TSHZ2: variants seen among roughly 807,000 people sequenced by gnomAD.
The protein encoded by TSHZ2 is teashirt homolog 2.
A neutral mutation model predicts 74.4 loss-of-function variants in TSHZ2; 21 were observed. The observed-to-expected ratio is 0.28, with a 90% CI of 0.20 to 0.41. The LOEUF (loss-of-function observed/expected upper bound fraction) is 0.41, where lower values mean the gene tolerates loss of function less well. Among genes scored for constraint, TSHZ2 ranks in the 10% least tolerant of loss-of-function variants. The pLI is 1.00. For missense variants in TSHZ2, 1,244 were observed against 1,293.5 expected (o/e 0.96, Z 0.59); for synonymous variants, 540 against 515.3 (o/e 1.05, Z -0.65).
rs1986665171 is a variant in TSHZ2, at chr20:53,116,321, A to G, written c.41-137178A>G. On this transcript the variant is annotated intron_variant, in intron 1 of 2. Transcript: ENST00000371497. ...TCATTTTGTCTTTATTGCATAGGCA[A>G]ATCATTATTCGGTAACCTGGAGGTT... Among the ~76,000 whole-genome samples, 4 of 152,300 alleles carry G rather than the reference A, an allele frequency of 2.6e-5. No individual in the cohort carries two copies. The South Asian group carries it at 8.3e-4, about 32-fold the overall frequency.
intron 1 of TSHZ2, among the ~76,000 whole-genome samples, chr20:53,093,306 G>T (rs926582455): frequency 6.6e-6 from 1 of 152,228 alleles, no homozygotes; most frequent in Non-Finnish European, 1.5e-5. Flanking sequence ...TGCTGGGTTG[G>T]AAGCCCTGCT....
At chr20:53,067,392 C>T (rs1383770581) in intron 1 of TSHZ2, among the ~76,000 whole-genome samples, 1 of 152,212 alleles carries the variant, frequency 6.6e-6, no homozygotes, top group Non-Finnish European at 1.5e-5. Flanking sequence ...ATTCTAATGT[C>T]ACTTGCAGGC....
chr20:53,357,589 T>C (rs1980893246), intron 2 of TSHZ2, among the ~76,000 whole-genome samples: 1 of 152,214 alleles, frequency 6.6e-6, no homozygotes, highest in Non-Finnish European at 1.5e-5. Context: ...TGTGAGCTCT[T>C]GATACAAAAT....
At chr20:53,371,615 C>T (rs1981473223) in intron 2 of TSHZ2, among the ~76,000 whole-genome samples, 1 of 152,204 alleles carries the variant, frequency 6.6e-6, no homozygotes. Flanking sequence ...GTGGCTCACG[C>T]CTATAATCCC....
chr20:53,240,262 A>G (rs887815667), intron 1 of TSHZ2, among the ~76,000 whole-genome samples: 1 of 152,172 alleles, frequency 6.6e-6, no homozygotes, highest in African/African-American at 2.4e-5. Context: ...AATAACCTAA[A>G]TAGGATGCTA....
intron 1 of TSHZ2, among the ~76,000 whole-genome samples, chr20:53,065,145 C>A (rs1031925280): frequency 6.6e-6 from 1 of 152,222 alleles, no homozygotes; most frequent in Admixed American, 6.5e-5. Flanking sequence ...ATGCAACACA[C>A]AATACCTACT....
chr20:53,369,552 C>CA (rs910604889), intron 2 of TSHZ2, among the ~76,000 whole-genome samples: 9 of 150,306 alleles, frequency 6.0e-5, no homozygotes, highest in African/African-American at 9.8e-5. Context: ...ACTAAAAATA[C>CA]AAAAAAAAAT....
At chr20:53,261,938 A>G (rs539270423) in intron 2 of TSHZ2, among the ~76,000 whole-genome samples, 1 of 152,362 alleles carries the variant, frequency 6.6e-6, no homozygotes, top group East Asian at 1.9e-4. Context: ...AAATTGTGTC[A>G]TTAGCTTAGG....
chr20:53,238,931 C>G (rs1287967031), intron 1 of TSHZ2, among the ~76,000 whole-genome samples: 1 of 151,476 alleles, frequency 6.6e-6, no homozygotes, highest in Non-Finnish European at 1.5e-5. Context: ...GTTAATTCAT[C>G]CAAACTGCAA....
At chr20:53,457,354 CTGTT>C (rs1392586976) in intron 2 of TSHZ2, among the ~76,000 whole-genome samples, 1 of 113,874 alleles carries the variant, frequency 8.8e-6, no homozygotes, top group Admixed American at 9.3e-5. Context: ...ATTTGGCTCT[CTGTT>C]TGTCTGTTGT....
chr20:53,218,319 A>T (rs1303685766), intron 1 of TSHZ2, among the ~76,000 whole-genome samples: 1 of 152,268 alleles, frequency 6.6e-6, no homozygotes, highest in African/African-American at 2.4e-5. Context: ...GATGGGAAAC[A>T]TTGAGATGCA....
chr20:53,258,775 G>A (rs535235356), intron 2 of TSHZ2, among the ~76,000 whole-genome samples: 1 of 152,178 alleles, frequency 6.6e-6, no homozygotes, highest in Non-Finnish European at 1.5e-5. Context: ...GACCTCGAAA[G>A]CACCGTATTG....
At chr20:53,441,221 G>GTTTATTTAT (rs1984301693) in intron 2 of TSHZ2, among the ~76,000 whole-genome samples, 1 of 125,784 alleles carries the variant, frequency 8.0e-6, no homozygotes, top group Non-Finnish European at 1.6e-5. Flanking sequence ...TTATTTATTT[G>GTTTATTTAT]TTTATTTTAT....
At chr20:53,138,391 GAA>G (rs72157952) in intron 1 of TSHZ2, among the ~76,000 whole-genome samples, 10 of 98,124 alleles carry the variant, frequency 1.0e-4, no homozygotes, top group Admixed American at 2.8e-4. Flanking sequence ...TCTCAAAAAA[GAA>G]AAAAAAAAAA....
At chr20:53,089,620 A>G (rs1985813546) in intron 1 of TSHZ2, among the ~76,000 whole-genome samples, 1 of 152,222 alleles carries the variant, frequency 6.6e-6, no homozygotes, top group South Asian at 2.1e-4. Context: ...ATTTAATCAC[A>G]TAAATATGAT....
chr20:53,354,297 T>C (rs2145592059), intron 2 of TSHZ2, among the ~76,000 whole-genome samples: 1 of 152,340 alleles, frequency 6.6e-6, no homozygotes, highest in East Asian at 1.9e-4. Flanking sequence ...TATTGGAATC[T>C]GGTTTGCCCC....
At chr20:53,093,179 C>G (rs895628066) in intron 1 of TSHZ2, among the ~76,000 whole-genome samples, 1 of 152,164 alleles carries the variant, frequency 6.6e-6, no homozygotes, top group African/African-American at 2.4e-5. Context: ...ATTATACAAC[C>G]CCTCTGATGG....
chr20:53,050,519 A>G (rs1055678748), intron 1 of TSHZ2, among the ~76,000 whole-genome samples: 12 of 152,202 alleles, frequency 7.9e-5, no homozygotes, highest in African/African-American at 2.9e-4. Context: ...TGAATCAAAG[A>G]ATGTCTTGCC....
At chr20:53,172,861 C>T (rs542209499) in intron 1 of TSHZ2, among the ~76,000 whole-genome samples, 2 of 152,316 alleles carry the variant, frequency 1.3e-5, no homozygotes, top group Admixed American at 6.5e-5. Flanking sequence ...GAGGGAATCA[C>T]GAGAGTGGAC....
Sources: allele counts gnomAD v4.1 joint callset (sites outside exome capture counted in the v4.1 genomes callset), GRCh38; gene constraint gnomAD v4.1.1; transcripts MANE v1.5; gene names NCBI Gene and HGNC (gene_info 2026-07-23, HGNC 2026-07-21).